CORO2B: variants seen among roughly 807,000 people sequenced by gnomAD.
CORO2B encodes the protein coronin 2B.
A neutral mutation model predicts 58.8 loss-of-function variants in CORO2B; 26 were observed. The observed-to-expected ratio is 0.44, with a 90% CI of 0.32 to 0.61. The LOEUF (loss-of-function observed/expected upper bound fraction) is 0.61. CORO2B is among the 20% of genes least tolerant of loss of function. CORO2B has a pLI of 0.04. For missense variants in CORO2B, 460 were observed against 645.1 expected (o/e 0.71, Z 3.11); for synonymous variants, 242 against 253.8 (o/e 0.95, Z 0.44).
chr15:68,722,833 T>C (rs1893194681), intron 11 of CORO2B, among the ~76,000 whole-genome samples: 1 of 152,208 alleles, frequency 6.6e-6, no homozygotes, highest in Non-Finnish European at 1.5e-5. Flanking sequence ...TTTGGGAGGC[T>C]GAGGCGGGAG....
chr15:68,714,070 G>A (rs773347405), intron 6 of CORO2B, 29 bp downstream of exon 6: 4 of 1,499,766 alleles, frequency 2.7e-6, no homozygotes, highest in Non-Finnish European at 3.7e-6. Flanking sequence ...TGCTGGGTTT[G>A]GGCTAAAGGA....
chr15:68,587,111 T>C (rs1487797769), intron 1 of CORO2B, among the ~76,000 whole-genome samples: 2 of 148,248 alleles, frequency 1.3e-5, no homozygotes, highest in Non-Finnish European at 3.0e-5. Flanking sequence ...TTTTCTAAAG[T>C]GTTAAAAGTC....
rs994746822 is a variant in CORO2B at position 68,645,509 on chromosome 15, G to GT, written c.216+153dup. On this transcript the variant is annotated intron_variant, in intron 2 of 11. Transcript: ENST00000261861. This position sits in a 1 kb window ranked among gnomAD's most constrained non-coding sequence, Gnocchi z 4.5. ...ATCTAGTGGCTATGCCTTCTTTAGG[G>GT]TTTTCCTGAGATTCAACAGAACAAG... 2.7e-6 allele frequency: 2 copies of GT among 734,444 alleles called. No homozygotes were observed. Among genetic ancestry groups the GT allele is most frequent in the Admixed American group, 5.8e-5 (2 of 34,382 alleles). The allele number at this position is 734,444 out of a possible 1,614,324, so 45.5% of individuals were successfully genotyped here.
At chr15:68,542,523 A>C in the CORO2B span, among the ~76,000 whole-genome samples, 40 of 152,364 alleles carry the variant, frequency 2.6e-4, no homozygotes, top group African/African-American at 9.4e-4. Context: ...TGTGTTAGTC[A>C]GGATAGGCTA....
At chr15:68,631,223 T>C (rs1471435957) in intron 1 of CORO2B, among the ~76,000 whole-genome samples, 3 of 152,218 alleles carry the variant, frequency 2.0e-5, no homozygotes, top group Non-Finnish European at 4.4e-5. Context: ...GGCCAGCCAC[T>C]TGCCCGTCAG....
chr15:68,621,915 C>T (rs766460133), intron 1 of CORO2B, among the ~76,000 whole-genome samples: 6 of 151,880 alleles, frequency 4.0e-5, no homozygotes, highest in Non-Finnish European at 7.4e-5. Flanking sequence ...TGCCACCATG[C>T]CTGGCTAATT....
At chr15:68,549,908 T>A in the CORO2B span, among the ~76,000 whole-genome samples, 5 of 151,326 alleles carry the variant, frequency 3.3e-5, no homozygotes, top group African/African-American at 9.7e-5. Flanking sequence ...GCCACTGCGC[T>A]CCAGCCTGGG....
chr15:68,649,128 C>T (rs1445082325), intron 2 of CORO2B, among the ~76,000 whole-genome samples: 3 of 152,160 alleles, frequency 2.0e-5, no homozygotes, highest in Admixed American at 2.0e-4. Context: ...GGAATATGAT[C>T]ACACTTTGTA....
intron 1 of CORO2B, among the ~76,000 whole-genome samples, chr15:68,642,319 T>C (rs543613514): frequency 6.6e-6 from 1 of 152,258 alleles, no homozygotes; most frequent in South Asian, 2.1e-4. Context: ...CCGGTTCTTG[T>C]GACCCTTCCC....
At chr15:68,520,782 A>G in the CORO2B span, among the ~76,000 whole-genome samples, 1 of 152,236 alleles carries the variant, frequency 6.6e-6, no homozygotes, top group South Asian at 2.1e-4. Context: ...GCAGTAGCTC[A>G]TGCTTGTAAT....
At chr15:68,674,484 G>GGAGC (rs1902509256) in intron 2 of CORO2B, among the ~76,000 whole-genome samples, 1 of 152,204 alleles carries the variant, frequency 6.6e-6, no homozygotes, top group African/African-American at 2.4e-5. Flanking sequence ...CTCCAGAACT[G>GGAGC]ACAGGTGGGA....
At chr15:68,688,624 C>T (rs111753832) in intron 2 of CORO2B, among the ~76,000 whole-genome samples, 4,820 of 152,214 alleles carry the variant, frequency 0.032, 111 homozygotes, top group Middle Eastern at 0.051. Context: ...AGATCTTTAG[C>T]AATGCTCATG....
the CORO2B span, among the ~76,000 whole-genome samples, chr15:68,534,113 G>A: frequency 5.9e-5 from 9 of 152,274 alleles, no homozygotes; most frequent in African/African-American, 2.2e-4. Flanking sequence ...GGCTAGAAAG[G>A]CCTCCCACCA....
chr15:68,714,784 C>A, intron 7 of CORO2B, 121 bp downstream of exon 7: 2 of 730,770 alleles, frequency 2.7e-6, no homozygotes, highest in Non-Finnish European at 4.7e-6. Flanking sequence ...TCCTGGGCCT[C>A]ACCTTTCCCA....
chr15:68,554,007 G>A, the CORO2B span, among the ~76,000 whole-genome samples: 1 of 152,194 alleles, frequency 6.6e-6, no homozygotes, highest in Admixed American at 6.5e-5. Context: ...AGAATGGATG[G>A]GGGAGACCAT....
chr15:68,707,082 T>A (rs1432160895), intron 3 of CORO2B, among the ~76,000 whole-genome samples: 1 of 152,152 alleles, frequency 6.6e-6, no homozygotes, highest in East Asian at 1.9e-4. Flanking sequence ...TGCCTCAGCC[T>A]CCTGAGTAGC....
chr15:68,708,133 C>T (rs568657435), intron 3 of CORO2B, among the ~76,000 whole-genome samples: 10 of 152,304 alleles, frequency 6.6e-5, no homozygotes, highest in African/African-American at 2.2e-4. Flanking sequence ...AGGGTGACCC[C>T]AAACCCTTGA....
rs569870606 is a variant in CORO2B, at chr15:68,696,481, G to A, written c.333+1225G>A. ...GGAGAATCACTTGAACCTGGAAGGCGGAGGTTGCAGTGAGCTGAGATCGTG... is the reference window on the plus strand; with the variant it reads ...GGAGAATCACTTGAACCTGGAAGGCAGAGGTTGCAGTGAGCTGAGATCGTG... On this transcript the variant is annotated intron_variant, in intron 3 of 11. Coordinates refer to ENST00000261861, the MANE Select transcript of CORO2B (RefSeq NM_006091.5). Among the ~76,000 whole-genome samples the A allele has an allele frequency of 1.2e-3, 182 of 146,436 alleles. 1 individual carries two copies. Among genetic ancestry groups the A allele is most frequent in the Non-Finnish European group, 2.1e-3 (141 of 67,112 alleles).
chr15:68,635,499 C>G (rs1422869305), intron 1 of CORO2B, among the ~76,000 whole-genome samples: 1 of 152,198 alleles, frequency 6.6e-6, no homozygotes, highest in Non-Finnish European at 1.5e-5. Flanking sequence ...GGAGGGGTGG[C>G]AGCACCAGAT....
Sources: gnomAD v4.1 joint callset for allele counts (sites outside exome capture counted in the v4.1 genomes callset) on GRCh38, gnomAD v4.1.1 for gene constraint, Gnocchi (gnomAD v3.1) non-coding constraint, MANE v1.5 for transcripts, NCBI Gene and HGNC (gene_info 2026-07-23, HGNC 2026-07-21) for gene names.